KIAA0586: variants seen among roughly 807,000 people sequenced by gnomAD.
KIAA0586 encodes the protein protein TALPID3.
A neutral mutation model predicts 169.8 loss-of-function variants in KIAA0586; 144 were observed. That is an observed-to-expected ratio of 0.85 (90% CI 0.74 to 0.97). The LOEUF is 0.97. KIAA0586 is among the 50% of genes least tolerant of loss of function. The pLI is 0.00. For synonymous variants in KIAA0586, 625 were observed against 612.4 expected, an observed-to-expected ratio of 1.02 and a Z score of -0.30; for missense variants, 1,854 against 1,823.0, an observed-to-expected ratio of 1.02 and a Z score of -0.31.
chr14:58,507,848 G>A (rs988405990), intron 27 of KIAA0586, among the ~76,000 whole-genome samples: 6 of 151,844 alleles, frequency 4.0e-5, no homozygotes, highest in South Asian at 2.1e-4. Context: ...GCAGTGATGC[G>A]ATCTCAGCTC....
chr14:58,560,328 A>G, the KIAA0586 span, among the ~76,000 whole-genome samples: 3 of 152,326 alleles, frequency 2.0e-5, no homozygotes, highest in East Asian at 5.8e-4. Context: ...ACAGCTGAGT[A>G]ATGGTGAGAT....
intron 6 of KIAA0586, among the ~76,000 whole-genome samples, chr14:58,447,373 T>G (rs2038980689): frequency 6.6e-6 from 1 of 152,122 alleles, no homozygotes; most frequent in Admixed American, 6.5e-5. Flanking sequence ...TCACAAAAAT[T>G]AAAACAAAAC....
intron 25 of KIAA0586, 36 bp downstream of exon 25, chr14:58,490,276 A>T (rs374005890): frequency 2.5e-6 from 3 of 1,205,216 alleles, no homozygotes; most frequent in Non-Finnish European, 2.3e-6. Context: ...GAATTCTGAC[A>T]GGAAGAATAT....
intron 3 of KIAA0586, 140 bp from the exon 4 acceptor site, chr14:58,432,248 T>C: frequency 5.1e-6 from 3 of 585,104 alleles, no homozygotes; most frequent in Non-Finnish European, 9.1e-6. Flanking sequence ...CTTAATTTGT[T>C]CCTTGTCCTT....
intron 16 of KIAA0586, among the ~76,000 whole-genome samples, chr14:58,469,366 C>G (rs1030959344): frequency 1.3e-5 from 2 of 152,196 alleles, no homozygotes; most frequent in African/African-American, 4.8e-5. Context: ...GCAGGGAACT[C>G]CCAACATGAA....
Position 58,512,609 on chromosome 14 carries a change from G to C in KIAA0586, c.4411G>C (p.Ala1471Pro). The change falls in exon 29 of 31, where the codon GCA becomes CCA. Residue 1471 changes from alanine (A) to proline (P), a missense_variant. Coordinates refer to ENST00000652326, the MANE Select transcript of KIAA0586 (RefSeq NM_001329943.3). ...YLRVRNKSDI[A>P]PSQQQVSPGD... ...ACGTGTTAGAAATAAATCTGATATT[G>C]CACCTTCACAGCAACAAGGTAAGAC... is the stretch of plus-strand genomic sequence containing the variant. The C allele has an allele frequency of 1.3e-6, 2 of 1,512,162 alleles. No homozygotes were observed. The highest frequency in any genetic ancestry group is 1.8e-6 in the Non-Finnish European group (2 of 1,132,904). 93.7% of individuals were successfully genotyped at this position (1,512,162 alleles called of 1,614,324 possible).
chr14:58,508,474 G>A (rs1396363641), intron 27 of KIAA0586, 81 bp from the exon 28 acceptor site: 3 of 1,076,542 alleles, frequency 2.8e-6, no homozygotes, highest in Non-Finnish European at 4.0e-6. Flanking sequence ...AAATATTGGT[G>A]GTTTTAGTCA....
chr14:58,519,406 G>C (rs910048021), intron 29 of KIAA0586, among the ~76,000 whole-genome samples: 1 of 152,044 alleles, frequency 6.6e-6, no homozygotes, highest in Admixed American at 6.6e-5. Flanking sequence ...GCCTGACTCA[G>C]GTAGTTTTAT....
intron 7 of KIAA0586, among the ~76,000 whole-genome samples, chr14:58,449,621 A>G (rs1339120390): frequency 6.6e-6 from 1 of 152,184 alleles, no homozygotes; most frequent in Admixed American, 6.5e-5. Context: ...TGAAGCACAG[A>G]ATGGTGTGAC....
the KIAA0586 span, among the ~76,000 whole-genome samples, chr14:58,556,380 C>T: frequency 6.6e-6 from 1 of 152,330 alleles, no homozygotes; most frequent in Admixed American, 6.5e-5. Context: ...AAGATTTGAT[C>T]TGGGCATTCT....
intron 27 of KIAA0586, among the ~76,000 whole-genome samples, chr14:58,502,582 G>T (rs2043647146): frequency 6.6e-6 from 1 of 151,318 alleles, no homozygotes; most frequent in Non-Finnish European, 1.5e-5. Context: ...GATCACTGGG[G>T]GCTATCTTGG....
At chr14:58,525,372 T>C (rs1211256957) in intron 29 of KIAA0586, among the ~76,000 whole-genome samples, 2 of 151,294 alleles carry the variant, frequency 1.3e-5, no homozygotes, top group African/African-American at 2.4e-5. Context: ...GCTCATCTCA[T>C]TGGGACTGGT....
the KIAA0586 span, among the ~76,000 whole-genome samples, chr14:58,557,899 A>ATTTT: frequency 9.2e-4 from 43 of 46,534 alleles, no homozygotes; most frequent in Admixed American, 1.9e-3. Context: ...ATCCTGAGAA[A>ATTTT]TCTTTTTTTT....
intron 21 of KIAA0586, among the ~76,000 whole-genome samples, chr14:58,485,026 T>C (rs1274724354): frequency 7.4e-6 from 1 of 135,208 alleles, no homozygotes; most frequent in African/African-American, 2.8e-5. Flanking sequence ...CAGGTTCAAA[T>C]GATTCTCCTG....
At chr14:58,511,681 A>G (rs2044398351) in intron 28 of KIAA0586, among the ~76,000 whole-genome samples, 1 of 152,180 alleles carries the variant, frequency 6.6e-6, no homozygotes, top group African/African-American at 2.4e-5. Context: ...GACCAGAGTT[A>G]AGGCTAGTTA....
At chr14:58,427,621 C>T (rs1329448368), upstream of KIAA0586, 4 of 1,535,652 alleles carry the variant, frequency 2.6e-6, no homozygotes, top group Non-Finnish European at 3.5e-6. Context: ...GCTTAGCTTT[C>T]TGGTTGGATG....
chr14:58,463,961 A>T (rs993869368), intron 14 of KIAA0586: 3 of 440,538 alleles, frequency 6.8e-6, no homozygotes, highest in South Asian at 1.7e-5. Flanking sequence ...TGACCCCAAG[A>T]CCTTGCAGGA....
At chr14:58,429,993 C>A (rs979670584) in intron 2 of KIAA0586, among the ~76,000 whole-genome samples, 9 of 152,076 alleles carry the variant, frequency 5.9e-5, no homozygotes, top group Admixed American at 3.9e-4. Context: ...TTTAATAAGT[C>A]TGTATAATGA....
In KIAA0586 at chr14:58,453,330, C is replaced by A; in HGVS notation, c.1130-20C>A. 1.7e-6 allele frequency: 2 copies of A among 1,173,500 alleles called. No homozygotes were observed. The highest frequency in any genetic ancestry group is 2.4e-6 in the Non-Finnish European group (2 of 845,016). 72.7% of individuals were successfully genotyped at this position (1,173,500 alleles called of 1,614,324 possible). A position where few individuals can be genotyped will look rare whatever the true frequency, so the allele number is the denominator to read the frequency against. ...ATGAATTAGTATTTGGAAAATGATA[C>A]TATATCTCTTCTATTTCAGGAAATG... On this transcript the variant is annotated intron_variant, in intron 8 of 30. Transcript: ENST00000652326.
Sources: allele counts gnomAD v4.1 joint callset (sites outside exome capture counted in the v4.1 genomes callset), GRCh38; gene constraint gnomAD v4.1.1; transcripts MANE v1.5; gene names NCBI Gene and HGNC (gene_info 2026-07-23, HGNC 2026-07-21).